The following RIC8B variants were observed in gnomAD, a reference collection of about 807,000 sequenced individuals.
RIC8B encodes the protein chaperone Ric-8B.
RIC8B carries 16 observed loss-of-function variants against 57.5 expected under a neutral mutation model. That is an observed-to-expected ratio of 0.28 (90% CI 0.19 to 0.42). The LOEUF (loss-of-function observed/expected upper bound fraction) is 0.42, where lower values mean the gene tolerates loss of function less well. RIC8B is among the 10% of genes least tolerant of loss of function. The pLI is 1.00. For missense variants in RIC8B, 481 were observed against 677.0 expected (o/e 0.71, Z 3.21); for synonymous variants, 216 against 250.8 (o/e 0.86, Z 1.31).
At position 106,780,066 on chromosome 12, in the gene RIC8B, A is replaced by T. The variant is rs574319775; in HGVS notation, c.85-3931A>T. Among the ~76,000 whole-genome samples the T allele has an allele frequency of 9.2e-5, 14 of 152,114 alleles. 1 individual carries two copies. The South Asian group carries it at 2.9e-3, about 32-fold the overall frequency. ...GAGATTAGTTGCCATCATTATCATGATTATCAACAACAAACTGTGACTAAG... is the reference window on the plus strand; with the variant it reads ...GAGATTAGTTGCCATCATTATCATGTTTATCAACAACAAACTGTGACTAAG... On this transcript the variant is annotated intron_variant, in intron 1 of 9. Coordinates refer to ENST00000392837, the MANE Select transcript of RIC8B (RefSeq NM_001330145.2).
At chr12:106,779,464 T>A (rs2043648069) in intron 1 of RIC8B, among the ~76,000 whole-genome samples, 1 of 151,990 alleles carries the variant, frequency 6.6e-6, no homozygotes, top group African/African-American at 2.4e-5. Context: ...ACTCCTGACC[T>A]CAAGTGATCC....
chr12:106,831,942 A>G (rs1049530838), intron 4 of RIC8B, among the ~76,000 whole-genome samples: 1 of 152,148 alleles, frequency 6.6e-6, no homozygotes, highest in Non-Finnish European at 1.5e-5. Context: ...CTACCATTCC[A>G]CAATCTGCAT....
intron 2 of RIC8B, among the ~76,000 whole-genome samples, chr12:106,813,341 C>T (rs758119788): frequency 5.3e-5 from 8 of 151,956 alleles, no homozygotes; most frequent in Non-Finnish European, 1.2e-4. Context: ...CAGGCACGTG[C>T]CACCATGCCC....
intron 2 of RIC8B, among the ~76,000 whole-genome samples, chr12:106,796,365 C>T (rs1365379515): frequency 6.6e-6 from 1 of 151,888 alleles, no homozygotes; most frequent in Non-Finnish European, 1.5e-5. Context: ...TAGTGAGACC[C>T]CCACCCCCCT....
intron 2 of RIC8B, among the ~76,000 whole-genome samples, chr12:106,784,604 C>A (rs924227369): frequency 3.9e-5 from 6 of 152,114 alleles, no homozygotes; most frequent in Non-Finnish European, 8.8e-5. Flanking sequence ...TTAAGTGATC[C>A]CTCCTGCCTT....
chr12:106,828,862 A>C (rs1164417524), intron 4 of RIC8B, among the ~76,000 whole-genome samples: 2 of 152,214 alleles, frequency 1.3e-5, no homozygotes, highest in Non-Finnish European at 2.9e-5. Flanking sequence ...GATCATGTAA[A>C]GACATCTTTT....
intron 2 of RIC8B, among the ~76,000 whole-genome samples, chr12:106,807,878 G>A (rs532064573): frequency 2.6e-4 from 39 of 152,292 alleles, no homozygotes; most frequent in African/African-American, 9.4e-4. Context: ...CTGAGGTCAG[G>A]AGTTCGAGAC....
chr12:106,842,449 A>G (rs974998502), intron 4 of RIC8B, 140 bp from the exon 5 acceptor site: 3 of 614,814 alleles, frequency 4.9e-6, no homozygotes, highest in African/African-American at 3.7e-5. Flanking sequence ...GTAAGTGTCA[A>G]GTGTCCATAA....
chr12:106,791,237 CAAG>C (rs1270802574), intron 2 of RIC8B, among the ~76,000 whole-genome samples: 15 of 152,122 alleles, frequency 9.9e-5, no homozygotes, highest in African/African-American at 2.2e-4. Flanking sequence ...AAAATGGTGA[CAAG>C]GAGATAAATG....
At chr12:106,821,016 T>C (rs2045816967) in intron 3 of RIC8B, among the ~76,000 whole-genome samples, 1 of 152,240 alleles carries the variant, frequency 6.6e-6, no homozygotes, top group South Asian at 2.1e-4. Context: ...GGAGAGAATA[T>C]TGATGCCCTG....
chr12:106,832,289 C>T (rs1566103925), intron 4 of RIC8B, among the ~76,000 whole-genome samples: 1 of 152,096 alleles, frequency 6.6e-6, no homozygotes, highest in Admixed American at 6.6e-5. Flanking sequence ...TTTATTGTTT[C>T]TCTCCTTCAT....
At chr12:106,779,868 CTTTTTTTTTT>C (rs34745029) in intron 1 of RIC8B, among the ~76,000 whole-genome samples, 7 of 98,970 alleles carry the variant, frequency 7.1e-5, no homozygotes, top group Non-Finnish European at 1.2e-4. Flanking sequence ...GGGGCCTGTT[CTTTTTTTTTT>C]TTTTTTTTTT....
intron 3 of RIC8B, among the ~76,000 whole-genome samples, chr12:106,822,077 CAAAAAAAAA>C (rs67378158): frequency 1.3e-4 from 5 of 38,036 alleles, no homozygotes; most frequent in East Asian, 7.7e-4. Flanking sequence ...GACTCCATCT[CAAAAAAAAA>C]AAAAAAAAAA....
intron 3 of RIC8B, among the ~76,000 whole-genome samples, chr12:106,824,721 C>T (rs2046015432): frequency 6.6e-6 from 1 of 151,666 alleles, no homozygotes. Flanking sequence ...CATGGTGAAA[C>T]CCTGTCTCTA....
chr12:106,884,852 A>G (rs1951102969), intron 9 of RIC8B, among the ~76,000 whole-genome samples: 1 of 152,100 alleles, frequency 6.6e-6, no homozygotes, highest in African/African-American at 2.4e-5. Flanking sequence ...GGCCTAAGGG[A>G]CAACTGTGAG....
At chr12:106,789,761 C>T (rs2044188428) in intron 2 of RIC8B, among the ~76,000 whole-genome samples, 2 of 152,160 alleles carry the variant, frequency 1.3e-5, no homozygotes, top group Non-Finnish European at 2.9e-5. Flanking sequence ...TCACTCCCCT[C>T]GTTCTCTTTC....
intron 2 of RIC8B, among the ~76,000 whole-genome samples, chr12:106,790,948 C>T (rs1182480665): frequency 6.6e-6 from 1 of 152,162 alleles, no homozygotes; most frequent in Non-Finnish European, 1.5e-5. Context: ...ATTGCAAGCT[C>T]TTTGAGGACA....
chr12:106,875,936 CA>C (rs1318853990), intron 9 of RIC8B, among the ~76,000 whole-genome samples: 1 of 149,640 alleles, frequency 6.7e-6, no homozygotes. Flanking sequence ...TGAAAAATAA[CA>C]AATACATAGT....
intron 3 of RIC8B, among the ~76,000 whole-genome samples, chr12:106,821,284 C>G (rs1226344057): frequency 6.6e-6 from 1 of 152,156 alleles, no homozygotes; most frequent in Non-Finnish European, 1.5e-5. Flanking sequence ...TAGCACTCAT[C>G]TAACGGATAT....
Sources: gnomAD v4.1 joint callset for allele counts (sites outside exome capture counted in the v4.1 genomes callset) on GRCh38, gnomAD v4.1.1 for gene constraint, MANE v1.5 for transcripts, NCBI Gene and HGNC (gene_info 2026-07-23, HGNC 2026-07-21) for gene names.